RBFOX1: variants seen among roughly 807,000 people sequenced by gnomAD.
The protein encoded by RBFOX1 is RNA binding fox-1 homolog 1, also known as RNA binding protein fox-1 homolog 1.
A neutral mutation model predicts 57.7 loss-of-function variants in RBFOX1; 8 were observed. That is an observed-to-expected ratio of 0.14 (90% CI 0.08 to 0.25). RBFOX1 has a LOEUF of 0.25. Among genes scored for constraint, RBFOX1 ranks in the 10% least tolerant of loss-of-function variants. The pLI, the probability that RBFOX1 is intolerant of heterozygous loss-of-function variation, is 1.00. For synonymous variants in RBFOX1, 326 were observed against 222.4 expected, an observed-to-expected ratio of 1.47 and a Z score of -4.15; for missense variants, 611 against 548.5, an observed-to-expected ratio of 1.11 and a Z score of -1.14.
chr16:6,887,939 G>C (rs964411138), intron 3 of RBFOX1, among the ~76,000 whole-genome samples: 1 of 152,084 alleles, frequency 6.6e-6, no homozygotes, highest in East Asian at 1.9e-4. Context: ...TGGGATTATA[G>C]GTGTGAGCCA....
At chr16:5,318,379 T>G (rs2064301750) in intron 1 of RBFOX1, among the ~76,000 whole-genome samples, 1 of 152,168 alleles carries the variant, frequency 6.6e-6, no homozygotes, top group Non-Finnish European at 1.5e-5. Flanking sequence ...TGCACCCACC[T>G]TGGCCTCCCA....
At chr16:7,035,808 A>C (rs1232501941) in intron 3 of RBFOX1, among the ~76,000 whole-genome samples, 1 of 152,112 alleles carries the variant, frequency 6.6e-6, no homozygotes, top group East Asian at 1.9e-4. Flanking sequence ...TGGGGGTTTT[A>C]AGAGTTCATT....
chr16:7,371,646 A>G (rs1283893201), intron 4 of RBFOX1, among the ~76,000 whole-genome samples: 3 of 152,134 alleles, frequency 2.0e-5, no homozygotes, highest in African/African-American at 7.2e-5. Flanking sequence ...GCTACTCAGG[A>G]TACTGAGGCA....
rs144162206 is a variant in RBFOX1 at position 6,893,516 on chromosome 16, G to A, written c.-15-158541G>A. On this transcript the variant is annotated intron_variant, in intron 3 of 15. Coordinates refer to ENST00000550418, the MANE Select transcript of RBFOX1 (RefSeq NM_018723.4). ...TCAGTATCAACAGCTGGGGCTCTAT[G>A]CTGAGCTCAGAAAGTGGAGTTCTGA... 1.0e-3 allele frequency among the ~76,000 whole-genome samples: 156 copies of A among 152,254 alleles called. 1 individual carries two copies. The highest frequency in any genetic ancestry group is 3.6e-3 in the African/African-American group (151 of 41,534).
At chr16:6,777,740 G>C (rs988945292) in intron 3 of RBFOX1, among the ~76,000 whole-genome samples, 1 of 152,104 alleles carries the variant, frequency 6.6e-6, no homozygotes, top group Non-Finnish European at 1.5e-5. Context: ...GGTGGGCTTG[G>C]TAAATTTTTA....
At chr16:6,908,605 G>T (rs555535948) in intron 3 of RBFOX1, among the ~76,000 whole-genome samples, 1 of 152,292 alleles carries the variant, frequency 6.6e-6, no homozygotes, top group Non-Finnish European at 1.5e-5. Flanking sequence ...GAACCCCCGT[G>T]ATTTAGGTGG....
intron 4 of RBFOX1, among the ~76,000 whole-genome samples, chr16:7,420,618 T>C (rs1022432415): frequency 1.3e-5 from 2 of 152,072 alleles, no homozygotes; most frequent in African/African-American, 4.8e-5. Context: ...TGATTTTTTT[T>C]CCTTCTGACT....
chr16:5,630,199 G>C (rs1474649712), intron 3 of RBFOX1, among the ~76,000 whole-genome samples: 1 of 152,224 alleles, frequency 6.6e-6, no homozygotes, highest in African/African-American at 2.4e-5. Flanking sequence ...GCTCATGCCT[G>C]TAATCCCAGG....
At chr16:7,023,680 C>G (rs1186458723) in intron 3 of RBFOX1, among the ~76,000 whole-genome samples, 1 of 151,368 alleles carries the variant, frequency 6.6e-6, no homozygotes, top group African/African-American at 2.4e-5. Context: ...TAGGTTATCT[C>G]CCTTGTCTTA....
At chr16:7,332,250 G>A (rs1055563079) in intron 4 of RBFOX1, among the ~76,000 whole-genome samples, 8 of 152,084 alleles carry the variant, frequency 5.3e-5, no homozygotes, top group Non-Finnish European at 1.2e-4. Flanking sequence ...TTGTTATATG[G>A]GACTGATAAT....
At chr16:7,429,332 C>G (rs926785804) in intron 4 of RBFOX1, among the ~76,000 whole-genome samples, 1 of 152,192 alleles carries the variant, frequency 6.6e-6, no homozygotes, top group South Asian at 2.1e-4. Context: ...CATCCTGCCT[C>G]TCCTTCCCTC....
intron 2 of RBFOX1, among the ~76,000 whole-genome samples, chr16:6,595,617 T>A (rs1042601861): frequency 1.3e-5 from 2 of 152,220 alleles, no homozygotes; most frequent in Admixed American, 1.3e-4. Flanking sequence ...ATTTTTAACA[T>A]TTTGAGGAAC....
intron 3 of RBFOX1, among the ~76,000 whole-genome samples, chr16:5,642,866 C>G (rs183443874): frequency 3.3e-5 from 5 of 152,266 alleles, no homozygotes; most frequent in East Asian, 3.9e-4. Context: ...TCTGTGGCCC[C>G]TAGAGTGAGG....
intron 3 of RBFOX1, among the ~76,000 whole-genome samples, chr16:6,798,077 C>T (rs2084508451): frequency 6.6e-6 from 1 of 152,054 alleles, no homozygotes; most frequent in African/African-American, 2.4e-5. Flanking sequence ...GTTAGAAAGA[C>T]TATAAATATA....
chr16:6,957,811 C>T (rs1018931083), intron 3 of RBFOX1, among the ~76,000 whole-genome samples: 2 of 152,130 alleles, frequency 1.3e-5, no homozygotes, highest in Admixed American at 6.5e-5. Flanking sequence ...AGGCATCTCT[C>T]TTTTCACACA....
At chr16:6,265,086 A>G (rs904602674) in intron 1 of RBFOX1, among the ~76,000 whole-genome samples, 6 of 151,920 alleles carry the variant, frequency 3.9e-5, no homozygotes, top group African/African-American at 1.2e-4. Flanking sequence ...CTTTTTCCCT[A>G]CAAGCCATTC....
chr16:5,598,635 T>A (rs891755092), intron 2 of RBFOX1, among the ~76,000 whole-genome samples: 14 of 152,222 alleles, frequency 9.2e-5, no homozygotes, highest in African/African-American at 3.4e-4. Context: ...CTTCATCATG[T>A]CCTGAAAACC....
intron 14 of RBFOX1, among the ~76,000 whole-genome samples, chr16:7,705,664 G>A (rs563321512): frequency 5.3e-5 from 8 of 152,192 alleles, no homozygotes; most frequent in Admixed American, 3.3e-4. Flanking sequence ...GGGAGTCATA[G>A]GATTAGATTT....
intron 2 of RBFOX1, among the ~76,000 whole-genome samples, chr16:6,325,144 C>T (rs1188433666): frequency 6.6e-6 from 1 of 152,074 alleles, no homozygotes; most frequent in Non-Finnish European, 1.5e-5. Context: ...TCACTTGAGA[C>T]TAGGAGTTTA....
Sources: allele counts gnomAD v4.1 joint callset (sites outside exome capture counted in the v4.1 genomes callset), GRCh38; gene constraint gnomAD v4.1.1; transcripts MANE v1.5; gene names NCBI Gene and HGNC (gene_info 2026-07-23, HGNC 2026-07-21).